Variants in AGBL4 observed in about 807,000 individuals in gnomAD.
AGBL4 encodes the protein cytosolic carboxypeptidase 6.
A neutral mutation model predicts 66.4 loss-of-function variants in AGBL4; 58 were observed. That is an observed-to-expected ratio of 0.87 (90% CI 0.71 to 1.09). AGBL4 has a LOEUF of 1.09. Ranked by LOEUF, AGBL4 falls within the 50% of genes least tolerant of loss-of-function variation. The pLI is 0.00. For missense variants in AGBL4, 579 were observed against 631.0 expected (o/e 0.92, Z 0.88); for synonymous variants, 234 against 222.9 (o/e 1.05, Z -0.44).
At chr1:48,668,771 T>C (rs1252161992) in intron 6 of AGBL4, among the ~76,000 whole-genome samples, 1 of 152,086 alleles carries the variant, frequency 6.6e-6, no homozygotes, top group African/African-American at 2.4e-5. Context: ...TATCACTGTG[T>C]TGATGAGACA....
At chr1:49,704,523 T>C (rs561347018) in intron 2 of AGBL4, among the ~76,000 whole-genome samples, 11 of 152,254 alleles carry the variant, frequency 7.2e-5, no homozygotes, top group Admixed American at 4.6e-4. Flanking sequence ...AAAAGAATGA[T>C]ACTGCCTAGG....
At chr1:49,389,712 G>A (rs1644807926) in intron 3 of AGBL4, among the ~76,000 whole-genome samples, 1 of 152,128 alleles carries the variant, frequency 6.6e-6, no homozygotes. Context: ...TGTTTATAGA[G>A]CTGACAGTGA....
chr1:49,343,530 A>G (rs973268538), intron 3 of AGBL4, among the ~76,000 whole-genome samples: 1 of 152,204 alleles, frequency 6.6e-6, no homozygotes, highest in Non-Finnish European at 1.5e-5. Flanking sequence ...CTCCCCCACC[A>G]CCAGAGGTAA....
chr1:49,433,751 C>G (rs867334511), intron 3 of AGBL4, among the ~76,000 whole-genome samples: 21 of 151,980 alleles, frequency 1.4e-4, no homozygotes, highest in African/African-American at 4.3e-4. Flanking sequence ...TATATTGAAG[C>G]CTAAGTTTAC....
At chr1:49,575,854 C>T (rs1644425375) in intron 3 of AGBL4, among the ~76,000 whole-genome samples, 1 of 152,180 alleles carries the variant, frequency 6.6e-6, no homozygotes. Flanking sequence ...AACTCTCCAG[C>T]TTTGTGTCAT....
chr1:50,002,243 C>T lies in AGBL4; in HGVS notation c.34+21520G>A, dbSNP rs192063474. On this transcript the variant is annotated intron_variant, in intron 1 of 13. Transcript: ENST00000371839. Reference sequence around the variant, plus strand: ...GTGAGTCAAATACACCAAAGGTAATCGGCTTTATCTTTAACTTATATAGCC... The same window carrying T: ...GTGAGTCAAATACACCAAAGGTAATTGGCTTTATCTTTAACTTATATAGCC... Among the ~76,000 whole-genome samples the T allele has an allele frequency of 1.2e-3, 182 of 151,836 alleles. 3 individuals are homozygous for T. Among genetic ancestry groups the T allele is most frequent in the Non-Finnish European group, 3.7e-4 (25 of 67,986 alleles).
intron 6 of AGBL4, among the ~76,000 whole-genome samples, chr1:48,671,045 C>T (rs1427061754): frequency 1.3e-5 from 2 of 152,348 alleles, no homozygotes; most frequent in Admixed American, 6.5e-5. Flanking sequence ...CAATAGGATA[C>T]TGGATATGGC....
At chr1:49,678,154 T>C (rs1296518010) in intron 3 of AGBL4, among the ~76,000 whole-genome samples, 1 of 152,214 alleles carries the variant, frequency 6.6e-6, no homozygotes, top group African/African-American at 2.4e-5. Context: ...TATAGAGCTA[T>C]TCAAATTATA....
intron 11 of AGBL4, among the ~76,000 whole-genome samples, chr1:48,563,295 G>C (rs904928218): frequency 6.6e-6 from 1 of 152,214 alleles, no homozygotes; most frequent in Admixed American, 6.5e-5. Flanking sequence ...AGGTTTCCTA[G>C]TTGTAGGCCA....
At chr1:48,731,162 T>C (rs1206179062) in intron 6 of AGBL4, among the ~76,000 whole-genome samples, 1 of 152,116 alleles carries the variant, frequency 6.6e-6, no homozygotes, top group Non-Finnish European at 1.5e-5. Context: ...GCAGACAGCT[T>C]GCATGGGAAG....
chr1:49,851,127 AT>A (rs1244563197), intron 2 of AGBL4, among the ~76,000 whole-genome samples: 2 of 152,170 alleles, frequency 1.3e-5, no homozygotes, highest in Admixed American at 1.3e-4. Context: ...TTCCAAAAAA[AT>A]AATATCTTGG....
chr1:48,541,193 C>A (rs1442017735), intron 11 of AGBL4, among the ~76,000 whole-genome samples: 2 of 152,188 alleles, frequency 1.3e-5, no homozygotes, highest in Non-Finnish European at 2.9e-5. Flanking sequence ...GGACCCACTC[C>A]TTCTCAGCTT....
intron 1 of AGBL4, among the ~76,000 whole-genome samples, chr1:50,002,494 C>T (rs959781396): frequency 1.3e-5 from 2 of 150,808 alleles, no homozygotes; most frequent in African/African-American, 4.9e-5. Context: ...CTCAGCCTCC[C>T]GAGTAGCTGG....
chr1:49,059,333 T>C (rs1644361369), intron 4 of AGBL4, among the ~76,000 whole-genome samples: 1 of 152,380 alleles, frequency 6.6e-6, no homozygotes, highest in South Asian at 2.1e-4. Context: ...CCTGGGCAGC[T>C]TCCATGTGGT....
intron 1 of AGBL4, among the ~76,000 whole-genome samples, chr1:49,992,371 CA>C (rs34311728): frequency 0.15 from 13,298 of 86,772 alleles, 679 homozygotes; most frequent in East Asian, 0.41. Context: ...GACTCCGTCT[CA>C]AAAAAAAAAA....
At chr1:49,938,084 G>T (rs935679499) in intron 1 of AGBL4, among the ~76,000 whole-genome samples, 4 of 149,222 alleles carry the variant, frequency 2.7e-5, no homozygotes, top group East Asian at 4.0e-4. Context: ...ATCAACAAAA[G>T]TGATAGACCG....
chr1:49,570,958 T>C (rs1644314536), intron 3 of AGBL4, among the ~76,000 whole-genome samples: 1 of 152,128 alleles, frequency 6.6e-6, no homozygotes, highest in South Asian at 2.1e-4. Context: ...TCTGTTTTTA[T>C]ACCATTACCA....
rs560718677 is a variant in AGBL4, at chr1:49,199,581, T to C, written c.377+46189A>G. 4.6e-5 allele frequency among the ~76,000 whole-genome samples: 7 copies of C among 152,296 alleles called. No homozygotes were observed. The East Asian group carries it at 1.2e-3, about 25-fold the overall frequency. The stretch of plus-strand genomic sequence containing the variant: ...TGGGAAGATCTCATTTTTATCCCTA[T>C]AGAAAAGTAAAATCTGCTTTCTTAT... On this transcript the variant is annotated intron_variant, in intron 4 of 13. Transcript: ENST00000371839.
At chr1:49,368,016 A>G (rs1644272967) in intron 3 of AGBL4, among the ~76,000 whole-genome samples, 2 of 152,182 alleles carry the variant, frequency 1.3e-5, no homozygotes, top group Non-Finnish European at 2.9e-5. Flanking sequence ...GAGATCATAA[A>G]TATGTAGTCT....
Sources: gnomAD v4.1 joint callset for allele counts (sites outside exome capture counted in the v4.1 genomes callset) on GRCh38, gnomAD v4.1.1 for gene constraint, MANE v1.5 for transcripts, NCBI Gene and HGNC (gene_info 2026-07-23, HGNC 2026-07-21) for gene names.